Variants in CRIM1 observed in about 807,000 individuals in gnomAD.
CRIM1 encodes the protein cysteine rich transmembrane BMP regulator 1, also known as cysteine-rich motor neuron 1 protein.
CRIM1 carries 32 observed loss-of-function variants against 116.4 expected under a neutral mutation model. The observed-to-expected ratio is 0.27, with a 90% CI of 0.21 to 0.37. The LOEUF (loss-of-function observed/expected upper bound fraction) is 0.37. Ranked by LOEUF, CRIM1 falls within the 10% of genes least tolerant of loss-of-function variation. CRIM1 has a pLI of 1.00. For synonymous variants in CRIM1, 590 were observed against 509.2 expected, an observed-to-expected ratio of 1.16 and a Z score of -2.13; for missense variants, 1,331 against 1,354.8, an observed-to-expected ratio of 0.98 and a Z score of 0.28.
At chr2:36,432,421 A>G (rs1558577480) in intron 2 of CRIM1, among the ~76,000 whole-genome samples, 1 of 152,184 alleles carries the variant, frequency 6.6e-6, no homozygotes, top group South Asian at 2.1e-4. Context: ...AGTAGGTTGG[A>G]TATATTTTTC....
intron 14 of CRIM1, among the ~76,000 whole-genome samples, chr2:36,540,718 C>T (rs1447373311): frequency 3.3e-5 from 5 of 152,106 alleles, no homozygotes; most frequent in African/African-American, 1.2e-4. Flanking sequence ...TTGGGGTAAC[C>T]TTTGTGTAAC....
intron 13 of CRIM1, among the ~76,000 whole-genome samples, chr2:36,532,469 A>T (rs911833015): frequency 2.6e-5 from 4 of 152,192 alleles, no homozygotes. Context: ...TAAATAACCC[A>T]CTTGGTTATC....
chr2:36,542,061 G>C (rs1323825980), intron 14 of CRIM1, among the ~76,000 whole-genome samples: 1 of 152,202 alleles, frequency 6.6e-6, no homozygotes, highest in Non-Finnish European at 1.5e-5. Flanking sequence ...ACTGTGAACT[G>C]GAGCTGTGCG....
At chr2:36,379,625 C>T (rs185147538) in intron 1 of CRIM1, among the ~76,000 whole-genome samples, 68 of 152,136 alleles carry the variant, frequency 4.5e-4, no homozygotes, top group African/African-American at 1.4e-3. Context: ...TAGTTAATTC[C>T]GGAAAACATA....
chr2:36,401,813 C>T (rs1672425265), intron 2 of CRIM1, among the ~76,000 whole-genome samples: 1 of 152,212 alleles, frequency 6.6e-6, no homozygotes, highest in Admixed American at 6.5e-5. Flanking sequence ...GGAAATCATT[C>T]ATCTGTTTAT....
At position 36,522,121 on chromosome 2, in the gene CRIM1, A is replaced by G; in HGVS notation, c.2236A>G (p.Asn746Asp). Residue 746 changes from asparagine (N) to aspartate (D), a missense_variant, in exon 13 of 17, where the codon AAT (asparagine) becomes GAT (aspartate). Asn to Asp is a conservative substitution (Grantham distance 23). Coordinates refer to ENST00000280527, the MANE Select transcript of CRIM1 (RefSeq NM_016441.3). Reference protein sequence around the residue: ...DQPFRPSLSRNNSVPNYCKND... With the variant: ...DQPFRPSLSRDNSVPNYCKND... ...ACCTTTTCGGCCTTCCTTGTCCCGCAATAACAGCGTACCTAATTACTGCAA... is the reference window on the plus strand; with the variant it reads ...ACCTTTTCGGCCTTCCTTGTCCCGCGATAACAGCGTACCTAATTACTGCAA... 2 of 1,614,182 alleles carry G rather than the reference A, an allele frequency of 1.2e-6. No individual in the cohort carries two copies. Among genetic ancestry groups the G allele is most frequent in the East Asian group, 2.2e-5 (1 of 44,874 alleles).
intron 7 of CRIM1, among the ~76,000 whole-genome samples, chr2:36,485,470 C>G (rs1193979994): frequency 6.6e-6 from 1 of 152,208 alleles, no homozygotes; most frequent in Admixed American, 6.5e-5. Flanking sequence ...ACTATATTCT[C>G]TCCCTGAAGG....
At chr2:36,455,031 G>A (rs940225493) in intron 4 of CRIM1, among the ~76,000 whole-genome samples, 2 of 152,192 alleles carry the variant, frequency 1.3e-5, no homozygotes, top group Non-Finnish European at 2.9e-5. Flanking sequence ...TCAGGCCGCA[G>A]AGAAAAGGAA....
chr2:36,510,171 T>C (rs1202378868), intron 9 of CRIM1, 32 bp downstream of exon 9: 42 of 1,595,926 alleles, frequency 2.6e-5, no homozygotes, highest in Non-Finnish European at 3.5e-5. Flanking sequence ...AAAGCTATTA[T>C]GAAGTGCAAC....
intron 5 of CRIM1, among the ~76,000 whole-genome samples, chr2:36,470,104 A>G (rs74955647): frequency 0.015 from 2,303 of 152,332 alleles, 65 homozygotes; most frequent in African/African-American, 0.053. Flanking sequence ...ACATGTCATC[A>G]GTATAATTAA....
chr2:36,412,432 T>A (rs753492317), intron 2 of CRIM1, among the ~76,000 whole-genome samples: 4 of 152,224 alleles, frequency 2.6e-5, no homozygotes, highest in Non-Finnish European at 5.9e-5. Context: ...ATCGAGAGAT[T>A]GGCAGTGGGA....
At chr2:36,396,834 A>G in intron 2 of CRIM1, 47 bp downstream of exon 2, 3 of 1,483,924 alleles carry the variant, frequency 2.0e-6, no homozygotes, top group Non-Finnish European at 2.8e-6. Context: ...CCTTAGCATT[A>G]TGTAACCCTG....
intron 2 of CRIM1, among the ~76,000 whole-genome samples, chr2:36,433,505 C>CA (rs1442696858): frequency 1.6e-4 from 25 of 152,150 alleles, no homozygotes; most frequent in Admixed American, 1.3e-4. Flanking sequence ...GCTGTACTGT[C>CA]AATAGGGAGC....
At chr2:36,445,234 T>A (rs1400528934) in intron 4 of CRIM1, among the ~76,000 whole-genome samples, 1 of 152,174 alleles carries the variant, frequency 6.6e-6, no homozygotes, top group Non-Finnish European at 1.5e-5. Flanking sequence ...CTACTCCCTG[T>A]CTCATTTTCA....
At chr2:36,402,004 C>G (rs1442752590) in intron 2 of CRIM1, among the ~76,000 whole-genome samples, 1 of 152,160 alleles carries the variant, frequency 6.6e-6, no homozygotes, top group Admixed American at 6.5e-5. Context: ...CCCCTAAGTA[C>G]AGGGAAGACA....
chr2:36,517,419 A>G lies in CRIM1; in HGVS notation c.2083A>G (p.Ile695Val). 6.2e-7 allele frequency: 1 copy of G among 1,614,196 alleles called. No individual in the cohort carries two copies. The highest frequency in any genetic ancestry group is 8.5e-7 in the Non-Finnish European group (1 of 1,180,030). The change falls in exon 12 of 17, where the codon ATT becomes GTT. Residue 695 changes from isoleucine (I) to valine (V), a missense_variant. Physicochemically the swap from Ile to Val is conservative, Grantham distance 29. Coordinates refer to ENST00000280527, the MANE Select transcript of CRIM1 (RefSeq NM_016441.3). The part of the protein sequence containing the change: ...EYFVEGETWN[I>V]DSCTQCTCHS... ...CTTTGTGGAAGGAGAAACGTGGAAC[A>G]TTGACTCCTGTACTCAGTGCACCTG...
intron 4 of CRIM1, among the ~76,000 whole-genome samples, chr2:36,451,559 C>G (rs975817427): frequency 2.6e-5 from 4 of 152,206 alleles, no homozygotes; most frequent in African/African-American, 9.6e-5. Flanking sequence ...GAACATCTGT[C>G]TGCTTCTGAG....
chr2:36,449,034 G>GT lies in CRIM1; in HGVS notation c.869+6312dup, dbSNP rs11350672. Reference sequence around the variant, plus strand: ...ATCTTCAGAAGTATTTTTTTGACTTGTTTTTTTTTTTTTCCTTAGCTTCAA... The same window carrying GT: ...ATCTTCAGAAGTATTTTTTTGACTTGTTTTTTTTTTTTTTCCTTAGCTTCAA... On this transcript the variant is annotated intron_variant, in intron 4 of 16. Transcript: ENST00000280527. 2.2e-3 allele frequency among the ~76,000 whole-genome samples: 318 copies of GT among 142,086 alleles called. 1 individual carries two copies. The highest frequency in any genetic ancestry group is 6.0e-3 in the South Asian group (27 of 4,510). 93.2% of individuals were successfully genotyped at this position (142,086 alleles called of 152,430 possible).
intron 4 of CRIM1, among the ~76,000 whole-genome samples, chr2:36,456,559 C>A (rs1677147694): frequency 6.6e-6 from 1 of 152,168 alleles, no homozygotes; most frequent in Non-Finnish European, 1.5e-5. Context: ...AGCCATCCTA[C>A]CAGCCGTGAA....
Sources: allele counts gnomAD v4.1 joint callset (sites outside exome capture counted in the v4.1 genomes callset), GRCh38; gene constraint gnomAD v4.1.1; transcripts MANE v1.5; gene names NCBI Gene and HGNC (gene_info 2026-07-23, HGNC 2026-07-21).